SNTG1: variants seen among roughly 807,000 people sequenced by gnomAD.
SNTG1 encodes syntrophin gamma 1, also known as gamma-1-syntrophin.
A neutral mutation model predicts 74.7 loss-of-function variants in SNTG1; 39 were observed. The observed-to-expected ratio is 0.52, with a 90% confidence interval of 0.40 to 0.68. The LOEUF (loss-of-function observed/expected upper bound fraction) is 0.68, where lower values mean the gene tolerates loss of function less well. Ranked by LOEUF, SNTG1 falls within the 30% of genes least tolerant of loss-of-function variation. SNTG1 has a pLI of 0.00. For synonymous variants in SNTG1, 254 were observed against 217.1 expected (o/e 1.17, Z -1.49); for missense variants, 685 against 609.5 (o/e 1.12, Z -1.30).
At chr8:50,634,202 A>G (rs1401482124) in intron 13 of SNTG1, among the ~76,000 whole-genome samples, 2 of 152,124 alleles carry the variant, frequency 1.3e-5, no homozygotes, top group Admixed American at 6.5e-5. Flanking sequence ...AAACCTCATT[A>G]TATTTTTACT....
intron 15 of SNTG1, among the ~76,000 whole-genome samples, chr8:50,670,660 A>G (rs1409068708): frequency 1.4e-5 from 2 of 140,772 alleles, no homozygotes; most frequent in African/African-American, 2.7e-5. Context: ...TCAAGCTACC[A>G]ATGACTTTCT....
At chr8:50,433,484 T>G (rs1301071788) in intron 4 of SNTG1, among the ~76,000 whole-genome samples, 4 of 151,604 alleles carry the variant, frequency 2.6e-5, no homozygotes, top group African/African-American at 9.7e-5. Context: ...TTTCTGTTTT[T>G]TTTTTTTTTC....
At chr8:50,255,011 C>A (rs1586856717) in intron 2 of SNTG1, among the ~76,000 whole-genome samples, 1 of 110,094 alleles carries the variant, frequency 9.1e-6, no homozygotes, top group East Asian at 2.8e-4. Context: ...AATTTTTCTT[C>A]ACTTCACTTC....
chr8:50,472,811 A>G (rs745993126), intron 8 of SNTG1, among the ~76,000 whole-genome samples: 2 of 152,024 alleles, frequency 1.3e-5, no homozygotes, highest in African/African-American at 2.4e-5. Context: ...AAAGAACTAC[A>G]TTTAACAACA....
chr8:50,528,432 C>A (rs1487808444), intron 9 of SNTG1, among the ~76,000 whole-genome samples: 1 of 151,850 alleles, frequency 6.6e-6, no homozygotes, highest in Non-Finnish European at 1.5e-5. Context: ...CGTTCTTTAG[C>A]CTTTTGATAT....
rs532177082 is a variant in SNTG1 at position 50,601,493 on chromosome 8, G to A, written c.849+10576G>A. 9.2e-5 allele frequency among the ~76,000 whole-genome samples: 14 copies of A among 152,182 alleles called. No individual in the cohort carries two copies. In the South Asian group the frequency reaches 2.7e-3, roughly 29 times the overall value. On this transcript the variant is annotated intron_variant, in intron 13 of 18. Coordinates refer to ENST00000642720, the MANE Select transcript of SNTG1 (RefSeq NM_018967.5). ...CATTGCAGTCAGAGAAAATGCTTGA[G>A]ATGATTTTAATTTTTTCAGTATTTT...
intron 1 of SNTG1, among the ~76,000 whole-genome samples, chr8:50,149,316 A>T (rs2081982549): frequency 6.6e-6 from 1 of 152,204 alleles, no homozygotes; most frequent in Non-Finnish European, 1.5e-5. Context: ...AGTAGATTGC[A>T]AAAATTTTCT....
At chr8:50,072,626 C>T (rs867278381) in intron 1 of SNTG1, among the ~76,000 whole-genome samples, 2 of 152,186 alleles carry the variant, frequency 1.3e-5, no homozygotes, top group Middle Eastern at 3.4e-3. Flanking sequence ...AAACATCATA[C>T]TTTTATCTTG....
intron 2 of SNTG1, among the ~76,000 whole-genome samples, chr8:50,248,518 A>C (rs1249043676): frequency 6.6e-6 from 1 of 152,172 alleles, no homozygotes; most frequent in Admixed American, 6.5e-5. Flanking sequence ...CCTCAGTCAG[A>C]CTATTAATTC....
chr8:50,420,144 T>G (rs995472785), intron 4 of SNTG1, among the ~76,000 whole-genome samples: 3 of 152,074 alleles, frequency 2.0e-5, no homozygotes, highest in African/African-American at 7.2e-5. Flanking sequence ...TTTTCAAAAT[T>G]GTGCAAAAAG....
chr8:50,645,400 T>C lies in SNTG1; in HGVS notation c.850-11509T>C, dbSNP rs963182533. On this transcript the variant is annotated intron_variant, in intron 13 of 18. Transcript: ENST00000642720. ...TAATGTTTGAACATATTAAGCATGA[T>C]AGTTTTAAAGTCTGTCTGGTCCCTC... Among the ~76,000 whole-genome samples, 11 of 152,270 alleles carry C rather than the reference T, an allele frequency of 7.2e-5. No homozygotes were observed. In the South Asian group the frequency reaches 8.3e-4, roughly 11 times the overall value.
At chr8:50,776,997 C>A (rs1300500402) in intron 18 of SNTG1, among the ~76,000 whole-genome samples, 1 of 151,702 alleles carries the variant, frequency 6.6e-6, no homozygotes, top group Non-Finnish European at 1.5e-5. Context: ...TTCTCTCTTG[C>A]TGCTCTCAAG....
chr8:50,515,151 T>C (rs984564667), intron 9 of SNTG1, among the ~76,000 whole-genome samples: 1 of 152,120 alleles, frequency 6.6e-6, no homozygotes, highest in Admixed American at 6.6e-5. Context: ...CATAAGCATA[T>C]CTTGGAGATA....
At chr8:49,917,873 T>A (rs566977436) in intron 1 of SNTG1, among the ~76,000 whole-genome samples, 2 of 152,040 alleles carry the variant, frequency 1.3e-5, no homozygotes, top group Non-Finnish European at 2.9e-5. Flanking sequence ...CCGTCAAGAG[T>A]CCTCGACTCA....
At chr8:50,192,693 CT>C (rs2083620620) in intron 2 of SNTG1, among the ~76,000 whole-genome samples, 1 of 150,764 alleles carries the variant, frequency 6.6e-6, no homozygotes. Context: ...ATTGCATTTG[CT>C]TTTGGGTTCT....
chr8:49,925,635 C>T, intron 1 of SNTG1, among the ~76,000 whole-genome samples: 1 of 152,218 alleles, frequency 6.6e-6, no homozygotes, highest in East Asian at 1.9e-4. Context: ...CACTGTTCTG[C>T]TCTCTATCTC....
chr8:50,432,664 T>A (rs902350872), intron 4 of SNTG1, among the ~76,000 whole-genome samples: 1 of 152,156 alleles, frequency 6.6e-6, no homozygotes. Flanking sequence ...TCTCTTCATA[T>A]GTTTTGAACA....
At chr8:49,964,146 A>AT (rs1027103661) in intron 1 of SNTG1, among the ~76,000 whole-genome samples, 1 of 152,210 alleles carries the variant, frequency 6.6e-6, no homozygotes, top group African/African-American at 2.4e-5. Context: ...CTGTAAAGGT[A>AT]TTTTTTAGAT....
chr8:50,547,400 G>T (rs1305235029), intron 11 of SNTG1, among the ~76,000 whole-genome samples: 1 of 152,068 alleles, frequency 6.6e-6, no homozygotes, highest in Non-Finnish European at 1.5e-5. Context: ...TTATGTAGGG[G>T]ATTAAAAAAG....
Sources: allele counts gnomAD v4.1 joint callset (sites outside exome capture counted in the v4.1 genomes callset), GRCh38; gene constraint gnomAD v4.1.1; transcripts MANE v1.5; gene names NCBI Gene and HGNC (gene_info 2026-07-23, HGNC 2026-07-21).